L3MBTL3: variants seen among roughly 807,000 people sequenced by gnomAD.
The protein encoded by L3MBTL3 is L3MBTL histone methyl-lysine binding protein 3, also known as lethal(3)malignant brain tumor-like protein 3.
L3MBTL3 carries 27 observed loss-of-function variants against 102.3 expected under a neutral mutation model. That is an observed-to-expected ratio of 0.26 (90% confidence interval 0.19 to 0.36). The LOEUF (loss-of-function observed/expected upper bound fraction) is 0.36, where lower values mean the gene tolerates loss of function less well. L3MBTL3 is among the 10% of genes least tolerant of loss of function. The pLI, the probability that L3MBTL3 is intolerant of heterozygous loss-of-function variation, is 1.00. For synonymous variants in L3MBTL3, 340 were observed against 320.9 expected (o/e 1.06, Z -0.64); for missense variants, 798 against 955.3 (o/e 0.84, Z 2.17).
intron 3 of L3MBTL3, 33 bp from the exon 4 acceptor site, chr6:130,049,249 T>A (rs1429619400): frequency 7.9e-7 from 1 of 1,265,728 alleles, no homozygotes; most frequent in Non-Finnish European, 1.1e-6. Flanking sequence ...TGAGCACTTT[T>A]TAAATTTTGC....
At chr6:130,041,188 T>C (rs2114677913) in intron 2 of L3MBTL3, among the ~76,000 whole-genome samples, 1 of 152,366 alleles carries the variant, frequency 6.6e-6, no homozygotes, top group South Asian at 2.1e-4. Context: ...CTTTGTGGTA[T>C]GATTTAACAA....
chr6:130,088,112 A>C (rs116993899), intron 16 of L3MBTL3, among the ~76,000 whole-genome samples: 1 of 152,278 alleles, frequency 6.6e-6, no homozygotes, highest in South Asian at 2.1e-4. Flanking sequence ...TCCACCTCTT[A>C]CTTCTAGCTG....
Position 130,066,403 on chromosome 6 carries a change from T to C in L3MBTL3, c.915T>C (p.Tyr305=). ...ACTTTGATGGGTATTCTGATTGCTA[T>C]GACTTCTGGGTGAATGCAGACGCTC... The part of the protein sequence containing the change: ...KLHFDGYSDC[Y]DFWVNADALD... The change falls in exon 11 of 23, where the codon TAT becomes TAC. Residue 305 remains tyrosine (Y), a synonymous_variant. Transcript: ENST00000361794. 6.2e-7 allele frequency: 1 copy of C among 1,612,016 alleles called. No homozygotes were observed. The highest frequency in any genetic ancestry group is 8.5e-7 in the Non-Finnish European group (1 of 1,178,884).
At chr6:130,026,084 G>A (rs1779321530) in intron 2 of L3MBTL3, among the ~76,000 whole-genome samples, 2 of 151,796 alleles carry the variant, frequency 1.3e-5, no homozygotes, top group Admixed American at 1.3e-4. Flanking sequence ...ATAGGACCCG[G>A]CAGATGGGGT....
At chr6:130,125,266 C>T (rs974375939) in intron 20 of L3MBTL3, among the ~76,000 whole-genome samples, 2 of 152,170 alleles carry the variant, frequency 1.3e-5, no homozygotes, top group African/African-American at 2.4e-5. Flanking sequence ...CTCGTTCTGT[C>T]GAGTGTGCTA....
intron 20 of L3MBTL3, among the ~76,000 whole-genome samples, chr6:130,128,837 C>T (rs1786802582): frequency 6.6e-6 from 1 of 152,136 alleles, no homozygotes; most frequent in Admixed American, 6.5e-5. Context: ...CATACCAGTG[C>T]ATGATGAAGA....
chr6:130,020,152 C>T (rs1303272975), intron 1 of L3MBTL3, among the ~76,000 whole-genome samples: 1 of 150,696 alleles, frequency 6.6e-6, no homozygotes, highest in African/African-American at 2.4e-5. Context: ...CGCCTCGCGC[C>T]GCGTGTGTGT....
intron 12 of L3MBTL3, 160 bp from the exon 13 acceptor site, chr6:130,070,816 T>G (rs1031051425): frequency 1.9e-5 from 4 of 215,992 alleles, no homozygotes; most frequent in African/African-American, 7.5e-5. Flanking sequence ...TTTTGCGGCT[T>G]GTTGGAAAGC....
chr6:130,059,716 A>G (rs75851972), intron 9 of L3MBTL3, among the ~76,000 whole-genome samples: 1,541 of 152,280 alleles, frequency 0.01, 27 homozygotes, highest in African/African-American at 0.035. Flanking sequence ...AGTGTTGTCA[A>G]ACTTTTTGAT....
intron 16 of L3MBTL3, among the ~76,000 whole-genome samples, chr6:130,088,009 CT>C (rs1288688076): frequency 6.6e-6 from 1 of 152,102 alleles, no homozygotes; most frequent in Non-Finnish European, 1.5e-5. Context: ...GATCAACTCT[CT>C]TATTTTACAT....
Position 130,133,724 on chromosome 6 carries a change from AAG to A in L3MBTL3, c.2136+107_2136+108del, listed in dbSNP as rs2114434306. ...TAGCGTTTAGTCTTTTTTTTTCTGA[AAG>A]AGAAGAAATTATTGTGAGAGAAATA... is the stretch of plus-strand genomic sequence containing the variant. On this transcript the variant is annotated intron_variant, in intron 21 of 22. Coordinates refer to ENST00000361794, the MANE Select transcript of L3MBTL3 (RefSeq NM_032438.4). This position sits in a 1 kb window ranked among gnomAD's most constrained non-coding sequence, Gnocchi z 4.9. 1 of 1,490,790 alleles carries A rather than the reference AAG, an allele frequency of 6.7e-7. No individual in the cohort carries two copies. The highest frequency in any genetic ancestry group is 1.9e-5 in the Admixed American group (1 of 52,680). 92.3% of individuals were successfully genotyped at this position (1,490,790 alleles called of 1,614,324 possible).
chr6:130,048,137 A>T (rs999611104), intron 3 of L3MBTL3, among the ~76,000 whole-genome samples: 4 of 152,226 alleles, frequency 2.6e-5, no homozygotes, highest in Non-Finnish European at 5.9e-5. Context: ...TCCAACTTGC[A>T]GTTTAGAATG....
At chr6:130,028,985 T>G (rs982787757) in intron 2 of L3MBTL3, among the ~76,000 whole-genome samples, 2 of 152,178 alleles carry the variant, frequency 1.3e-5, no homozygotes, top group African/African-American at 2.4e-5. Context: ...CCCAAGCCCC[T>G]TCCATTCCCC....
At chr6:130,019,921 G>T (rs1170014169) in intron 1 of L3MBTL3, among the ~76,000 whole-genome samples, 2 of 139,744 alleles carry the variant, frequency 1.4e-5, no homozygotes, top group African/African-American at 5.2e-5. Flanking sequence ...TTCGCCCCGC[G>T]CCGTGCCGCG....
chr6:130,038,725 T>C (rs1326035462), intron 2 of L3MBTL3, among the ~76,000 whole-genome samples: 1 of 152,210 alleles, frequency 6.6e-6, no homozygotes, highest in Non-Finnish European at 1.5e-5. Context: ...AGGTTTTCTC[T>C]TAACTATGTT....
intron 19 of L3MBTL3, among the ~76,000 whole-genome samples, chr6:130,114,276 G>A (rs917262896): frequency 6.6e-6 from 1 of 152,188 alleles, no homozygotes; most frequent in Non-Finnish European, 1.5e-5. Context: ...TAAGATGACT[G>A]TGTTATTGCT....
In L3MBTL3 at chr6:130,139,758, G is replaced by T; in HGVS notation, c.*5G>T. ...AATTCTCACAATGAACTTTGAAGAT[G>T]GTGAATTCTGAATACCATCAGCATT... On this transcript the variant is annotated 3_prime_UTR_variant, in exon 23 of 23. Coordinates refer to ENST00000361794, the MANE Select transcript of L3MBTL3 (RefSeq NM_032438.4). The T allele has an allele frequency of 6.2e-7, 1 of 1,611,966 alleles. No homozygotes were observed. The highest frequency in any genetic ancestry group is 1.7e-5 in the Admixed American group (1 of 59,974).
At chr6:130,052,169 G>A (rs951794144) in intron 6 of L3MBTL3, among the ~76,000 whole-genome samples, 7 of 151,496 alleles carry the variant, frequency 4.6e-5, no homozygotes, top group Non-Finnish European at 8.8e-5. Context: ...GCAGTGGCGT[G>A]ATCTTGGCTC....
At chr6:130,137,356 A>C (rs988639942) in intron 22 of L3MBTL3, among the ~76,000 whole-genome samples, 9 of 152,234 alleles carry the variant, frequency 5.9e-5, no homozygotes, top group Non-Finnish European at 1.2e-4. Context: ...ACCGAAAAAA[A>C]AGTAAGCCTT....
Sources: gnomAD v4.1 joint callset for allele counts (sites outside exome capture counted in the v4.1 genomes callset) on GRCh38, gnomAD v4.1.1 for gene constraint, Gnocchi (gnomAD v3.1) non-coding constraint, MANE v1.5 for transcripts, NCBI Gene and HGNC (gene_info 2026-07-23, HGNC 2026-07-21) for gene names.